The following NRG3 variants were observed in gnomAD, a reference collection of about 807,000 sequenced individuals.
NRG3 encodes the protein neuregulin 3.
NRG3 carries 31 observed loss-of-function variants against 66.9 expected under a neutral mutation model. That is an observed-to-expected ratio of 0.46 (90% CI 0.35 to 0.63). NRG3 has a LOEUF of 0.63. Among genes scored for constraint, NRG3 ranks in the 20% least tolerant of loss-of-function variants. The probability of loss-of-function intolerance (pLI) is 0.00; values close to 1 mark genes in which losing one functional copy is unlikely to be tolerated. For synonymous variants in NRG3, 393 were observed against 359.4 expected, an observed-to-expected ratio of 1.09 and a Z score of -1.06; for missense variants, 910 against 878.9, an observed-to-expected ratio of 1.04 and a Z score of -0.45.
At chr10:82,323,830 A>G (rs551084401) in intron 1 of NRG3, among the ~76,000 whole-genome samples, 2 of 152,174 alleles carry the variant, frequency 1.3e-5, no homozygotes, top group South Asian at 4.2e-4. Context: ...TATTTTTGAA[A>G]AACCTTCTAT....
chr10:82,525,849 T>C (rs902713390), intron 2 of NRG3, among the ~76,000 whole-genome samples: 83 of 151,874 alleles, frequency 5.5e-4, no homozygotes, highest in African/African-American at 1.9e-3. Context: ...CAGAAACCTA[T>C]AAAAAGTGGC....
At chr10:82,139,754 T>C (rs755028375) in intron 1 of NRG3, among the ~76,000 whole-genome samples, 9 of 152,078 alleles carry the variant, frequency 5.9e-5, no homozygotes, top group South Asian at 4.1e-4. Flanking sequence ...CATCAGGTAA[T>C]GGGAAAGCAC....
At chr10:82,625,311 T>C (rs646282) in intron 2 of NRG3, among the ~76,000 whole-genome samples, 117,066 of 152,014 alleles carry the variant, frequency 0.77, 45,209 homozygotes, top group Middle Eastern at 0.85. Flanking sequence ...GAAAAAAAAA[T>C]GATCACAAAT....
At chr10:82,848,653 AATG>A (rs2063421276) in intron 3 of NRG3, among the ~76,000 whole-genome samples, 1 of 152,130 alleles carries the variant, frequency 6.6e-6, no homozygotes, top group Non-Finnish European at 1.5e-5. Flanking sequence ...TGGTAGGCAG[AATG>A]ATATGATTTG....
intron 1 of NRG3, among the ~76,000 whole-genome samples, chr10:82,145,569 T>C (rs2070182386): frequency 6.6e-6 from 1 of 152,226 alleles, no homozygotes; most frequent in Non-Finnish European, 1.5e-5. Context: ...ATTGATATGT[T>C]AATCTCTTAT....
At chr10:82,465,980 A>G (rs927892878) in intron 2 of NRG3, among the ~76,000 whole-genome samples, 1 of 152,140 alleles carries the variant, frequency 6.6e-6, no homozygotes, top group Non-Finnish European at 1.5e-5. Context: ...TGTCTCTATC[A>G]GGATGTGCCT....
At position 82,949,581 on chromosome 10, in the gene NRG3, G is replaced by C. The variant is rs190315759; in HGVS notation, c.1055-1888G>C. Among the ~76,000 whole-genome samples, 496 of 152,248 alleles carry C rather than the reference G, an allele frequency of 3.3e-3. 5 individuals carry two copies. Among genetic ancestry groups the C allele is most frequent in the African/African-American group, 0.011 (466 of 41,544 alleles). On this transcript the variant is annotated intron_variant, in intron 4 of 8. Coordinates refer to ENST00000372141, the MANE Select transcript of NRG3 (RefSeq NM_001010848.4). ...ACTTAAATAGAGATCCTGGCTGGGT[G>C]TGGTGGCTCACACCTGTAATCCCAG...
At chr10:82,545,441 C>T (rs1361069069) in intron 2 of NRG3, among the ~76,000 whole-genome samples, 3 of 147,208 alleles carry the variant, frequency 2.0e-5, no homozygotes, top group African/African-American at 7.6e-5. Context: ...TGCAGTGGCG[C>T]GATCTCGGCT....
intron 2 of NRG3, among the ~76,000 whole-genome samples, chr10:82,585,273 T>C (rs948083590): frequency 4.6e-5 from 7 of 152,130 alleles, no homozygotes; most frequent in African/African-American, 1.7e-4. Context: ...GATGGGTAAT[T>C]AGTTAGCTCA....
chr10:82,220,251 G>A (rs2075877418), intron 1 of NRG3, among the ~76,000 whole-genome samples: 1 of 151,710 alleles, frequency 6.6e-6, no homozygotes, highest in Admixed American at 6.6e-5. Flanking sequence ...TCCTTGCTCA[G>A]AACAAATAGA....
At chr10:82,442,164 G>A (rs941776970) in intron 2 of NRG3, among the ~76,000 whole-genome samples, 1 of 152,128 alleles carries the variant, frequency 6.6e-6, no homozygotes, top group Non-Finnish European at 1.5e-5. Flanking sequence ...CTTTCCTTCT[G>A]ACTACTTGAT....
chr10:82,865,291 T>C (rs1840600481), intron 3 of NRG3, 120 bp from the exon 4 acceptor site: 1 of 914,098 alleles, frequency 1.1e-6, no homozygotes, highest in African/African-American at 1.7e-5. Flanking sequence ...GGGGTTAAAA[T>C]TGAGGCTGTG....
chr10:81,891,621 T>A (rs550124618), intron 1 of NRG3, among the ~76,000 whole-genome samples: 1 of 152,302 alleles, frequency 6.6e-6, no homozygotes, highest in South Asian at 2.1e-4. Flanking sequence ...TTGGTATTTG[T>A]GACGTTTCTT....
chr10:82,650,530 T>C (rs2051329576), intron 2 of NRG3, among the ~76,000 whole-genome samples: 1 of 152,182 alleles, frequency 6.6e-6, no homozygotes, highest in Non-Finnish European at 1.5e-5. Flanking sequence ...ACAAGGGTGA[T>C]GGGCAAATTT....
rs58656631 is a variant in NRG3, at chr10:82,556,293, C to T, written c.954-182284C>T. 4.0e-3 allele frequency among the ~76,000 whole-genome samples: 604 copies of T among 152,208 alleles called. 6 individuals carry two copies. Among genetic ancestry groups the T allele is most frequent in the African/African-American group, 0.014 (586 of 41,530 alleles). On this transcript the variant is annotated intron_variant, in intron 2 of 8. Coordinates refer to ENST00000372141, the MANE Select transcript of NRG3 (RefSeq NM_001010848.4). ...TCTCCTATGTTATCTCATTCCTTCC[C>T]AGGGAGTTAAGTTACAATCTTAGAC...
intron 1 of NRG3, among the ~76,000 whole-genome samples, chr10:82,315,130 A>T (rs1418431636): frequency 6.6e-6 from 1 of 152,186 alleles, no homozygotes; most frequent in Non-Finnish European, 1.5e-5. Flanking sequence ...GGTTAAAATG[A>T]TGTGTATACA....
intron 3 of NRG3, among the ~76,000 whole-genome samples, chr10:82,835,851 C>T (rs960262667): frequency 1.3e-5 from 2 of 152,080 alleles, no homozygotes; most frequent in Non-Finnish European, 2.9e-5. Context: ...AAGAATGCCT[C>T]GCTTAAGTTC....
At chr10:82,302,890 G>T (rs534839107) in intron 1 of NRG3, among the ~76,000 whole-genome samples, 1 of 152,218 alleles carries the variant, frequency 6.6e-6, no homozygotes, top group African/African-American at 2.4e-5. Flanking sequence ...TCTAGCTTAA[G>T]GCAATGTATT....
intron 2 of NRG3, among the ~76,000 whole-genome samples, chr10:82,638,832 C>T (rs375121544): frequency 3.3e-5 from 5 of 152,048 alleles, no homozygotes; most frequent in South Asian, 2.1e-4. Context: ...TTTTTAGTAG[C>T]GACAGGGTTT....
Sources: allele counts gnomAD v4.1 joint callset (sites outside exome capture counted in the v4.1 genomes callset), GRCh38; gene constraint gnomAD v4.1.1; transcripts MANE v1.5; gene names NCBI Gene and HGNC (gene_info 2026-07-23, HGNC 2026-07-21).